The following STK33 variants were observed in gnomAD, a reference collection of about 807,000 sequenced individuals.
STK33 encodes serine/threonine-protein kinase 33.
STK33 carries 52 observed loss-of-function variants against 58.0 expected under a neutral mutation model. The ratio of observed to expected loss-of-function variants is 0.90; its 90% CI spans 0.72 to 1.13. STK33 has a LOEUF of 1.13. STK33 is among the 50% of genes most tolerant of loss of function. The pLI is 0.00. For missense variants in STK33, 630 were observed against 604.2 expected (o/e 1.04, Z -0.45); for synonymous variants, 215 against 200.1 (o/e 1.07, Z -0.63).
chr11:8,370,760 G>C, the STK33 span, among the ~76,000 whole-genome samples: 1 of 152,146 alleles, frequency 6.6e-6, no homozygotes, highest in Non-Finnish European at 1.5e-5. Flanking sequence ...CACACCCTCA[G>C]CCACCCAAGG....
At chr11:8,533,883 C>T (rs976529604) in intron 1 of STK33, among the ~76,000 whole-genome samples, 1 of 152,114 alleles carries the variant, frequency 6.6e-6, no homozygotes, top group African/African-American at 2.4e-5. Context: ...AATATTTGTC[C>T]AGTCATGCTG....
Position 8,413,558 on chromosome 11 carries a change from A to G in STK33, c.1281T>C (p.Ser427=). 2.5e-6 allele frequency: 4 copies of G among 1,613,968 alleles called. No homozygotes were observed. The highest frequency in any genetic ancestry group is 3.4e-6 in the Non-Finnish European group (4 of 1,179,922). ...CAGGGACATTTCCCCAGGGTTGGTAACTTTTCAACTTTTCTTCAGTGGACG... is the reference window on the plus strand; with the variant it reads ...CAGGGACATTTCCCCAGGGTTGGTAGCTTTTCAACTTTTCTTCAGTGGACG... ...NKPSTEEKLK[S]YQPWGNVPDA... is the part of the protein sequence containing the mutation. Residue 427 remains serine, a synonymous_variant, in exon 15 of 16, where the codon AGT becomes AGC. Coordinates refer to ENST00000687296, the MANE Select transcript of STK33 (RefSeq NM_001352389.2).
At chr11:8,538,164 A>G (rs1955202546) in intron 1 of STK33, among the ~76,000 whole-genome samples, 1 of 152,132 alleles carries the variant, frequency 6.6e-6, no homozygotes, top group Non-Finnish European at 1.5e-5. Context: ...CTCTAGCCTC[A>G]GTGGCAGAGC....
the STK33 span, among the ~76,000 whole-genome samples, chr11:8,361,054 G>A: frequency 6.6e-6 from 1 of 152,138 alleles, no homozygotes; most frequent in African/African-American, 2.4e-5. This position sits in a 1 kb window ranked among gnomAD's most constrained non-coding sequence, Gnocchi z 4.8. Flanking sequence ...TACCACATAC[G>A]GCCAGGCCCA....
intron 1 of STK33, among the ~76,000 whole-genome samples, chr11:8,522,367 C>G (rs558294051): frequency 6.6e-6 from 1 of 152,158 alleles, no homozygotes; most frequent in East Asian, 1.9e-4. Flanking sequence ...AGCAAACTAT[C>G]CCAAGGACAG....
At chr11:8,513,108 T>G (rs1952475152) in intron 1 of STK33, among the ~76,000 whole-genome samples, 2 of 152,200 alleles carry the variant, frequency 1.3e-5, no homozygotes, top group Admixed American at 6.5e-5. Flanking sequence ...TGCTAATGTA[T>G]ACCATCACTT....
intron 1 of STK33, among the ~76,000 whole-genome samples, chr11:8,557,131 G>A (rs1443431343): frequency 6.6e-6 from 1 of 150,692 alleles, no homozygotes; most frequent in South Asian, 2.1e-4. Context: ...CATGCCTGTG[G>A]TCCCAGCTAC....
At chr11:8,450,656 A>C (rs1019192331) in intron 11 of STK33, among the ~76,000 whole-genome samples, 1 of 152,174 alleles carries the variant, frequency 6.6e-6, no homozygotes, top group South Asian at 2.1e-4. Context: ...ATTATTTTTT[A>C]AATGAGGCCA....
At chr11:8,444,603 G>T (rs571088760) in intron 11 of STK33, among the ~76,000 whole-genome samples, 3 of 152,080 alleles carry the variant, frequency 2.0e-5, no homozygotes, top group African/African-American at 7.2e-5. Context: ...ATTTATAGGA[G>T]AATATAACCA....
chr11:8,487,374 A>T (rs1042680465), intron 1 of STK33, among the ~76,000 whole-genome samples: 1 of 148,358 alleles, frequency 6.7e-6, no homozygotes, highest in Non-Finnish European at 1.5e-5. Context: ...GTGAGTTGTG[A>T]TCATGCCACT....
chr11:8,450,855 A>G (rs1946189635), intron 11 of STK33, among the ~76,000 whole-genome samples: 1 of 152,238 alleles, frequency 6.6e-6, no homozygotes. Flanking sequence ...AATAAATTTA[A>G]AGAGAAAAAT....
chr11:8,410,293 C>T (rs1590834252), intron 15 of STK33, among the ~76,000 whole-genome samples: 1 of 152,034 alleles, frequency 6.6e-6, no homozygotes, highest in Non-Finnish European at 1.5e-5. Flanking sequence ...CGAACACATA[C>T]CATTTATCAA....
chr11:8,354,902 G>T, the STK33 span, among the ~76,000 whole-genome samples: 2 of 152,250 alleles, frequency 1.3e-5, no homozygotes, highest in African/African-American at 4.8e-5. Flanking sequence ...GCCTGGCAGG[G>T]CTGGGCACAG....
the STK33 span, among the ~76,000 whole-genome samples, chr11:8,357,500 G>A: frequency 1.3e-5 from 2 of 152,254 alleles, no homozygotes. Context: ...TGTCTGTCGG[G>A]AAGAGGAGGC....
chr11:8,570,758 G>T (rs564576525), intron 1 of STK33, among the ~76,000 whole-genome samples: 3 of 152,146 alleles, frequency 2.0e-5, no homozygotes, highest in Non-Finnish European at 4.4e-5. Context: ...AATTTTGGGG[G>T]GGTGATGGAT....
intron 1 of STK33, among the ~76,000 whole-genome samples, chr11:8,563,547 G>A (rs1169234967): frequency 6.6e-6 from 1 of 152,180 alleles, no homozygotes; most frequent in African/African-American, 2.4e-5. Flanking sequence ...TTTGGGCTGT[G>A]CAGGACCATT....
chr11:8,533,337 A>C (rs1458224260), intron 1 of STK33: 1 of 152,246 alleles, frequency 6.6e-6, no homozygotes, highest in Non-Finnish European at 1.5e-5. Context: ...ATATGTGTAC[A>C]TGTTTGTTAC....
intron 9 of STK33, 80 bp from the exon 10 acceptor site, chr11:8,454,912 G>C: frequency 3.8e-6 from 5 of 1,327,444 alleles, no homozygotes; most frequent in Non-Finnish European, 4.9e-6. Flanking sequence ...AAATATATTT[G>C]ACAAATTAAT....
intron 14 of STK33, among the ~76,000 whole-genome samples, chr11:8,428,358 G>A (rs1006473169): frequency 1.3e-5 from 2 of 152,220 alleles, no homozygotes; most frequent in African/African-American, 4.8e-5. Flanking sequence ...AAACCGGGTT[G>A]TTTTGTGTTT....
Sources: allele counts gnomAD v4.1 joint callset (sites outside exome capture counted in the v4.1 genomes callset), GRCh38; gene constraint gnomAD v4.1.1; non-coding constraint Gnocchi (gnomAD v3.1); transcripts MANE v1.5; gene names NCBI Gene and HGNC (gene_info 2026-07-23, HGNC 2026-07-21).